Variants in ERC1 observed in about 807,000 individuals in gnomAD.
ERC1 encodes the protein RAB6 interacting protein 2.
ERC1 carries 56 observed loss-of-function variants against 132.0 expected under a neutral mutation model. The observed-to-expected ratio is 0.42, with a 90% CI of 0.34 to 0.53. The LOEUF (loss-of-function observed/expected upper bound fraction) is 0.53, where lower values mean the gene tolerates loss of function less well. Ranked by LOEUF, ERC1 falls within the 20% of genes least tolerant of loss-of-function variation. The pLI is 0.03. For synonymous variants in ERC1, 478 were observed against 476.1 expected, an observed-to-expected ratio of 1.00 and a Z score of -0.05; for missense variants, 1,202 against 1,349.9, an observed-to-expected ratio of 0.89 and a Z score of 1.72.
chr12:1,408,690 T>C (rs2091662004), intron 17 of ERC1, among the ~76,000 whole-genome samples: 1 of 152,228 alleles, frequency 6.6e-6, no homozygotes, highest in Admixed American at 6.5e-5. Context: ...CTCTGCTCAT[T>C]ACCTATTAAA....
intron 8 of ERC1, among the ~76,000 whole-genome samples, chr12:1,163,506 G>A (rs1321496680): frequency 1.3e-5 from 2 of 152,226 alleles, no homozygotes; most frequent in South Asian, 2.1e-4. Flanking sequence ...GCCCTAAAAC[G>A]CAGTGGCATA....
intron 13 of ERC1, among the ~76,000 whole-genome samples, chr12:1,256,950 C>T (rs1217884381): frequency 6.6e-6 from 1 of 150,640 alleles, no homozygotes; most frequent in Non-Finnish European, 1.5e-5. Flanking sequence ...TTCTATAATA[C>T]CCATCCTTCA....
At chr12:1,093,440 G>A (rs1489208936) in intron 3 of ERC1, among the ~76,000 whole-genome samples, 1 of 152,084 alleles carries the variant, frequency 6.6e-6, no homozygotes, top group Non-Finnish European at 1.5e-5. Flanking sequence ...AACATTTGAG[G>A]CCCCAACTTT....
At chr12:1,475,988 G>A (rs1241227745) in intron 18 of ERC1, among the ~76,000 whole-genome samples, 2 of 151,396 alleles carry the variant, frequency 1.3e-5, no homozygotes, top group Non-Finnish European at 2.9e-5. Context: ...AAAAGGCTGG[G>A]CAAGGTGACT....
At chr12:1,262,981 C>G in intron 13 of ERC1, 53 bp from the exon 14 acceptor site, 1 of 1,591,508 alleles carries the variant, frequency 6.3e-7, no homozygotes, top group Non-Finnish European at 8.6e-7. Flanking sequence ...TAAATAGGCT[C>G]TCCCTGGGTT....
intron 17 of ERC1, among the ~76,000 whole-genome samples, chr12:1,435,885 T>C (rs1303392684): frequency 1.3e-5 from 2 of 152,188 alleles, no homozygotes; most frequent in Non-Finnish European, 2.9e-5. Context: ...TCTCTTGGAT[T>C]TCGGGTAATA....
chr12:1,142,088 A>G (rs1353212233), intron 8 of ERC1, among the ~76,000 whole-genome samples: 2 of 152,232 alleles, frequency 1.3e-5, no homozygotes, highest in East Asian at 3.9e-4. Flanking sequence ...TCTGTCTTTT[A>G]TTGAAACTGT....
At chr12:1,343,480 G>C (rs74057145) in intron 15 of ERC1, among the ~76,000 whole-genome samples, 2,536 of 152,204 alleles carry the variant, frequency 0.017, 77 homozygotes, top group African/African-American at 0.057. Flanking sequence ...CAGGAATATC[G>C]TATCTAGTAC....
chr12:1,069,861 CT>C (rs1477882558), intron 2 of ERC1, among the ~76,000 whole-genome samples: 4 of 152,040 alleles, frequency 2.6e-5, no homozygotes, highest in African/African-American at 4.8e-5. Flanking sequence ...AACTTAAGAG[CT>C]TTTTGGATTT....
At chr12:1,056,766 C>T (rs1376766416) in intron 2 of ERC1, among the ~76,000 whole-genome samples, 1 of 152,196 alleles carries the variant, frequency 6.6e-6, no homozygotes, top group Non-Finnish European at 1.5e-5. Flanking sequence ...TTTCTGTTAG[C>T]ATAGCTGCTG....
intron 2 of ERC1, among the ~76,000 whole-genome samples, chr12:1,064,762 G>A (rs1032746976): frequency 2.6e-5 from 4 of 152,080 alleles, no homozygotes; most frequent in South Asian, 2.1e-4. Context: ...ACTTTCTTTG[G>A]GCTGAATATG....
chr12:1,381,422 C>T (rs545304068), intron 16 of ERC1, among the ~76,000 whole-genome samples: 1 of 152,240 alleles, frequency 6.6e-6, no homozygotes, highest in Admixed American at 6.5e-5. Flanking sequence ...GCAGTCATAG[C>T]TCCTGGCCTC....
intron 3 of ERC1, among the ~76,000 whole-genome samples, chr12:1,092,256 T>C (rs1943339045): frequency 1.3e-5 from 2 of 152,114 alleles, no homozygotes; most frequent in Non-Finnish European, 2.9e-5. Context: ...CTCGGCCTCC[T>C]AATATGCTGG....
chr12:1,175,734 C>T (rs1953640454), intron 8 of ERC1, among the ~76,000 whole-genome samples: 1 of 152,080 alleles, frequency 6.6e-6, no homozygotes, highest in Non-Finnish European at 1.5e-5. Context: ...AGCGTTTCTC[C>T]ATGTTGGCCA....
At chr12:1,019,854 G>A (rs986973052) in intron 1 of ERC1, among the ~76,000 whole-genome samples, 1 of 152,060 alleles carries the variant, frequency 6.6e-6, no homozygotes, top group African/African-American at 2.4e-5. Flanking sequence ...CAATCTTCCT[G>A]CCTCAGCTTC....
chr12:1,396,911 G>A (rs930713701), intron 16 of ERC1, among the ~76,000 whole-genome samples: 1 of 152,144 alleles, frequency 6.6e-6, no homozygotes, highest in Non-Finnish European at 1.5e-5. Flanking sequence ...GCCTACCAGT[G>A]ACAGATGACA....
chr12:1,213,860 C>T (rs1171179113), intron 12 of ERC1, among the ~76,000 whole-genome samples: 2 of 151,416 alleles, frequency 1.3e-5, no homozygotes, highest in Non-Finnish European at 1.5e-5. Flanking sequence ...GCCGAGATCA[C>T]GCCACTGCAC....
intron 13 of ERC1, among the ~76,000 whole-genome samples, chr12:1,240,592 T>C (rs1242499868): frequency 2.0e-5 from 3 of 152,206 alleles, no homozygotes; most frequent in South Asian, 2.1e-4. Context: ...TCCCTTTACT[T>C]GAGAAATATT....
In ERC1 at chr12:1,321,240, T is replaced by C. The variant is rs570399257; in HGVS notation, c.2780+31228T>C. Among the ~76,000 whole-genome samples, 62 of 152,324 alleles carry C rather than the reference T, an allele frequency of 4.1e-4. No homozygotes were observed. The South Asian group carries it at 0.013, about 32-fold the overall frequency. On this transcript the variant is annotated intron_variant, in intron 15 of 18. Coordinates refer to ENST00000360905, the MANE Select transcript of ERC1 (RefSeq NM_178040.4). ...GTTTCCACATGTATGTAAATGAAGCTAGTAAATGCCTGTTTGATAGTATTA... is the reference window on the plus strand; with the variant it reads ...GTTTCCACATGTATGTAAATGAAGCCAGTAAATGCCTGTTTGATAGTATTA...
Sources: gnomAD v4.1 joint callset for allele counts (sites outside exome capture counted in the v4.1 genomes callset) on GRCh38, gnomAD v4.1.1 for gene constraint, MANE v1.5 for transcripts, NCBI Gene and HGNC (gene_info 2026-07-23, HGNC 2026-07-21) for gene names.